Variants in JPH2 observed in about 807,000 individuals in gnomAD.
JPH2 encodes junctophilin 2.
A neutral mutation model predicts 55.9 loss-of-function variants in JPH2; 38 were observed. The ratio of observed to expected loss-of-function variants is 0.68; its 90% CI spans 0.52 to 0.89. The LOEUF (loss-of-function observed/expected upper bound fraction) is 0.89, where lower values mean the gene tolerates loss of function less well. Ranked by LOEUF, JPH2 falls within the 40% of genes least tolerant of loss-of-function variation. JPH2 has a pLI of 0.00. For missense variants in JPH2, 964 were observed against 1,037.6 expected (o/e 0.93, Z 0.97); for synonymous variants, 480 against 472.4 (o/e 1.02, Z -0.21).
At chr20:44,137,693 C>A (rs552745245) in intron 2 of JPH2, among the ~76,000 whole-genome samples, 59 of 152,358 alleles carry the variant, frequency 3.9e-4, no homozygotes, top group African/African-American at 1.4e-3. Context: ...CGGCCCCAGG[C>A]ACCGTGCCAG....
chr20:44,178,476 G>C (rs2072753613), intron 1 of JPH2, among the ~76,000 whole-genome samples: 1 of 152,202 alleles, frequency 6.6e-6, no homozygotes, highest in Non-Finnish European at 1.5e-5. Flanking sequence ...CATGTTCACG[G>C]GTTGGAAGCC....
In JPH2 at chr20:44,160,151, C is replaced by T. The variant is rs1251675894; in HGVS notation, c.636G>A (p.Ala212=). The T allele has an allele frequency of 1.4e-6, 2 of 1,431,364 alleles. No homozygotes were observed. Among genetic ancestry groups the T allele is most frequent in the African/African-American group, 1.5e-5 (1 of 65,818 alleles). The allele number at this position is 1,431,364 out of a possible 1,614,324, so 88.7% of individuals were successfully genotyped here. Residue 212 remains alanine, a synonymous_variant, in exon 2 of 6, where the codon GCG becomes GCA. Transcript: ENST00000372980. This position sits in a 1 kb window ranked among gnomAD's most constrained non-coding sequence, Gnocchi z 4.9. ...LSLLANAEAA[A]RAPKGGGLFQ... is the part of the protein sequence containing the mutation. ...AGAGGCCGCCGCCCTTGGGCGCCCG[C>T]GCGGCCGCCTCGGCATTGGCCAGGA...
In JPH2 at chr20:44,160,490, A is replaced by T; in HGVS notation, c.380-83T>A. The stretch of plus-strand genomic sequence containing the variant: ...GGTGGCCTGGGAGGGCAAGGGCGGG[A>T]GTGGGCAAGGCGGGGTGGGACCGAG... On this transcript the variant is annotated intron_variant, in intron 1 of 5. Transcript: ENST00000372980. The surrounding 1 kb of genome is among the most constrained non-coding windows in gnomAD (Gnocchi z 4.9). 2 of 1,440,348 alleles carry T rather than the reference A, an allele frequency of 1.4e-6. No homozygotes were observed. Among genetic ancestry groups the T allele is most frequent in the Non-Finnish European group, 1.9e-6 (2 of 1,050,198 alleles). 89.2% of individuals were successfully genotyped at this position (1,440,348 alleles called of 1,614,324 possible).
intron 1 of JPH2, among the ~76,000 whole-genome samples, chr20:44,175,525 A>T (rs2072727061): frequency 6.6e-6 from 1 of 152,192 alleles, no homozygotes; most frequent in Non-Finnish European, 1.5e-5. Flanking sequence ...TCAAATCTCC[A>T]TAGTCTCTGG....
intron 1 of JPH2, among the ~76,000 whole-genome samples, chr20:44,167,365 C>T (rs1349784093): frequency 1.3e-5 from 2 of 152,194 alleles, no homozygotes; most frequent in Non-Finnish European, 2.9e-5. Flanking sequence ...CCTCGGTAAG[C>T]ATCCGATGAA....
chr20:44,172,429 T>C (rs2072705393), intron 1 of JPH2, among the ~76,000 whole-genome samples: 1 of 152,236 alleles, frequency 6.6e-6, no homozygotes, highest in South Asian at 2.1e-4. Context: ...TGAGCTCTCA[T>C]GAGCCAGTAG....
At chr20:44,164,827 CTTTTTT>C (rs71195523) in intron 1 of JPH2, among the ~76,000 whole-genome samples, 1 of 133,450 alleles carries the variant, frequency 7.5e-6, no homozygotes, top group Non-Finnish European at 1.6e-5. Flanking sequence ...TGTTCTGCAC[CTTTTTT>C]TTTTTTTTTT....
At chr20:44,119,805 C>T (rs947647463) in intron 2 of JPH2, among the ~76,000 whole-genome samples, 2 of 147,302 alleles carry the variant, frequency 1.4e-5, no homozygotes, top group Non-Finnish European at 3.0e-5. Context: ...ACCCAGGAGG[C>T]GGAGCTTGCA....
chr20:44,185,669 A>AGATGGATGGATGGATG (rs34539425), intron 1 of JPH2, among the ~76,000 whole-genome samples: 13 of 147,970 alleles, frequency 8.8e-5, no homozygotes, highest in African/African-American at 3.3e-4. Context: ...GATGGATCAT[A>AGATGGATGGATGGATG]GATGGATGGA....
chr20:44,161,500 C>A (rs2072609722), intron 1 of JPH2, among the ~76,000 whole-genome samples: 1 of 152,150 alleles, frequency 6.6e-6, no homozygotes, highest in South Asian at 2.1e-4. Flanking sequence ...TCTGCCCTTA[C>A]TAGCTGTGTG....
At chr20:44,114,449 T>A (rs985269041) in intron 5 of JPH2, among the ~76,000 whole-genome samples, 1 of 152,160 alleles carries the variant, frequency 6.6e-6, no homozygotes, top group African/African-American at 2.4e-5. Context: ...GAGTCCCTGC[T>A]GTATCCCCAT....
chr20:44,142,057 T>C (rs565767951), intron 2 of JPH2, among the ~76,000 whole-genome samples: 9 of 152,288 alleles, frequency 5.9e-5, no homozygotes, highest in Middle Eastern at 3.4e-3. Context: ...CATTCTGACA[T>C]TGGCTGGGGT....
intron 2 of JPH2, among the ~76,000 whole-genome samples, chr20:44,124,246 G>A (rs1306375447): frequency 6.6e-6 from 1 of 152,016 alleles, no homozygotes; most frequent in African/African-American, 2.4e-5. Context: ...TAACTGCTTG[G>A]TTGTTTCCCA....
At position 44,108,656 on chromosome 20, in the gene JPH2, G is replaced by A. The variant is rs1030754766; in HGVS notation, c.*4862C>T. 5.4e-5 allele frequency among the ~76,000 whole-genome samples: 8 copies of A among 149,164 alleles called. No homozygotes were observed. The highest frequency in any genetic ancestry group is 1.0e-4 in the Non-Finnish European group (7 of 67,376). On this transcript the variant is annotated 3_prime_UTR_variant, in exon 6 of 6. Transcript: ENST00000372980. ...TCAAAAAAAAAAAAAAAGAAAAGAG[G>A]AAGAAGAAGTGACTGTAATGTAGGC...
rs1291934683 is a variant in JPH2 at position 44,186,872 on chromosome 20, G to A, written c.-167C>T. ...CAGCAGAGGCTGAAAGAGCCCCGGC[G>A]CCAAGTCAGCACCGGGTCGGCTAGT... On this transcript the variant is annotated 5_prime_UTR_variant, in exon 1 of 6. Transcript: ENST00000372980. 5.8e-6 allele frequency: 4 copies of A among 684,044 alleles called. No homozygotes were observed. Among genetic ancestry groups the A allele is most frequent in the African/African-American group, 1.8e-5 (1 of 55,564 alleles). 42.4% of individuals were successfully genotyped at this position (684,044 alleles called of 1,614,324 possible).
chr20:44,160,512 C>T lies in JPH2; in HGVS notation c.380-105G>A, dbSNP rs12480648. 24,469 of 1,219,560 alleles carry T rather than the reference C, an allele frequency of 0.02. 1,051 individuals carry two copies. The highest frequency in any genetic ancestry group is 0.15 in the Admixed American group (7,909 of 51,310). 75.5% of individuals were successfully genotyped at this position (1,219,560 alleles called of 1,614,324 possible). A position where few individuals can be genotyped will look rare whatever the true frequency, so the allele number is the denominator to read the frequency against. On this transcript the variant is annotated intron_variant, in intron 1 of 5. Coordinates refer to ENST00000372980, the MANE Select transcript of JPH2 (RefSeq NM_020433.5). This position sits in a 1 kb window ranked among gnomAD's most constrained non-coding sequence, Gnocchi z 4.9. ...GGGAGTGGGCAAGGCGGGGTGGGAC[C>T]GAGAGGCGCAAGGCCGTCTGAGGGT...
chr20:44,140,258 A>G (rs1444231550), intron 2 of JPH2, among the ~76,000 whole-genome samples: 2 of 152,050 alleles, frequency 1.3e-5, no homozygotes, highest in East Asian at 3.9e-4. Context: ...CTTTATATCC[A>G]TCCCAGCTGG....
At chr20:44,144,535 C>T (rs757866593) in intron 2 of JPH2, among the ~76,000 whole-genome samples, 10 of 152,134 alleles carry the variant, frequency 6.6e-5, no homozygotes, top group Non-Finnish European at 5.9e-5. Flanking sequence ...ATCTGAGCCT[C>T]GATTCCTCAG....
intron 2 of JPH2, among the ~76,000 whole-genome samples, chr20:44,121,614 A>AAC (rs2072237039): frequency 1.1e-5 from 1 of 90,462 alleles, no homozygotes; most frequent in African/African-American, 4.2e-5. Context: ...AATTAACTTA[A>AAC]CCCCCCAATA....
Sources: allele counts gnomAD v4.1 joint callset (sites outside exome capture counted in the v4.1 genomes callset), GRCh38; gene constraint gnomAD v4.1.1; non-coding constraint Gnocchi (gnomAD v3.1); transcripts MANE v1.5; gene names NCBI Gene and HGNC (gene_info 2026-07-23, HGNC 2026-07-21).